DENND5B: variants seen among roughly 807,000 people sequenced by gnomAD.
DENND5B encodes the protein DENN domain-containing protein 5B.
Under a neutral mutation model 140.6 loss-of-function variants are expected in DENND5B, and 34 were observed. That is an observed-to-expected ratio of 0.24 (90% CI 0.18 to 0.32). The LOEUF is 0.32. DENND5B is among the 10% of genes least tolerant of loss of function. The probability of loss-of-function intolerance (pLI) is 1.00; values close to 1 mark genes in which losing one functional copy is unlikely to be tolerated. For missense variants in DENND5B, 1,142 were observed against 1,560.2 expected (o/e 0.73, Z 4.52); for synonymous variants, 551 against 562.1 (o/e 0.98, Z 0.28).
chr12:31,575,006 T>C (rs1435378757), intron 1 of DENND5B, among the ~76,000 whole-genome samples: 1 of 152,216 alleles, frequency 6.6e-6, no homozygotes, highest in African/African-American at 2.4e-5. Flanking sequence ...TGGTGAACAA[T>C]GGCACAAAAC....
chr12:31,589,722 G>A (rs1226315381), intron 1 of DENND5B, among the ~76,000 whole-genome samples: 3 of 151,870 alleles, frequency 2.0e-5, no homozygotes, highest in African/African-American at 4.8e-5. Context: ...GGCGGTAGAT[G>A]TCACTTCTCT....
chr12:31,491,453 A>T (rs181029119), intron 2 of DENND5B, among the ~76,000 whole-genome samples: 1 of 152,174 alleles, frequency 6.6e-6, no homozygotes, highest in African/African-American at 2.4e-5. Context: ...TGTCTCAAAT[A>T]AATTAATTAA....
chr12:31,412,498 C>T (rs1168816279), intron 13 of DENND5B, among the ~76,000 whole-genome samples: 1 of 152,156 alleles, frequency 6.6e-6, no homozygotes, highest in Non-Finnish European at 1.5e-5. Context: ...TAACCTAGAT[C>T]CCTCACATGC....
chr12:31,456,164 T>C (rs982900889), intron 4 of DENND5B, among the ~76,000 whole-genome samples: 3 of 151,974 alleles, frequency 2.0e-5, no homozygotes, highest in African/African-American at 4.8e-5. Flanking sequence ...ACCCCATCTC[T>C]AGTGCAAATA....
At chr12:31,495,319 G>A (rs959673281) in intron 2 of DENND5B, among the ~76,000 whole-genome samples, 14 of 151,764 alleles carry the variant, frequency 9.2e-5, no homozygotes, top group Non-Finnish European at 1.6e-4. Context: ...CCCTGGGCAA[G>A]TAACTTGCTT....
intron 8 of DENND5B, among the ~76,000 whole-genome samples, chr12:31,430,755 T>A (rs1378141454): frequency 6.6e-6 from 1 of 152,172 alleles, no homozygotes; most frequent in Non-Finnish European, 1.5e-5. Flanking sequence ...GAGTGACCAA[T>A]TTACTGAGCC....
intron 1 of DENND5B, among the ~76,000 whole-genome samples, chr12:31,502,429 C>T (rs1165691299): frequency 1.3e-5 from 2 of 152,118 alleles, no homozygotes; most frequent in African/African-American, 4.8e-5. Flanking sequence ...ACTGATATCC[C>T]ATTTCGTCAA....
chr12:31,396,008 A>AATCCCTT (rs1941438323), intron 17 of DENND5B, among the ~76,000 whole-genome samples: 1 of 148,600 alleles, frequency 6.7e-6, no homozygotes, highest in Non-Finnish European at 1.5e-5. Flanking sequence ...TCTAGGGGAA[A>AATCCCTT]ATCCCTTCCT....
At chr12:31,575,665 C>T (rs1949986378) in intron 1 of DENND5B, among the ~76,000 whole-genome samples, 1 of 152,092 alleles carries the variant, frequency 6.6e-6, no homozygotes, top group Admixed American at 6.5e-5. Flanking sequence ...TAAGAAATTG[C>T]CCAGTTTCAG....
chr12:31,438,897 A>C (rs1276054592), intron 7 of DENND5B, among the ~76,000 whole-genome samples: 1 of 152,234 alleles, frequency 6.6e-6, no homozygotes, highest in Non-Finnish European at 1.5e-5. Context: ...GCACAAAAAT[A>C]TAAATGGCAT....
intron 13 of DENND5B, among the ~76,000 whole-genome samples, chr12:31,409,711 T>C (rs1942342860): frequency 6.6e-6 from 1 of 152,122 alleles, no homozygotes; most frequent in Non-Finnish European, 1.5e-5. Context: ...ACTCCTGACC[T>C]CAGGTGATCC....
chr12:31,476,473 T>A (rs1276403366), intron 3 of DENND5B, among the ~76,000 whole-genome samples: 1 of 143,958 alleles, frequency 6.9e-6, no homozygotes, highest in Non-Finnish European at 1.5e-5. Context: ...AATAGATCAG[T>A]GAGAAAGGAG....
chr12:31,536,373 TTAAA>T (rs1948493892), intron 1 of DENND5B, among the ~76,000 whole-genome samples: 1 of 151,890 alleles, frequency 6.6e-6, no homozygotes, highest in South Asian at 2.1e-4. Context: ...ACAAAGAGAT[TTAAA>T]TAATTAAAAA....
intron 14 of DENND5B, among the ~76,000 whole-genome samples, chr12:31,408,876 T>C (rs1942280890): frequency 6.6e-6 from 1 of 152,224 alleles, no homozygotes; most frequent in Non-Finnish European, 1.5e-5. Flanking sequence ...ATGCTGCTCC[T>C]GGGACCAACA....
chr12:31,402,594 T>C lies in DENND5B; in HGVS notation c.2853A>G (p.Ala951=), dbSNP rs1376578721. 4.3e-6 allele frequency: 7 copies of C among 1,613,856 alleles called. No homozygotes were observed. Among genetic ancestry groups the C allele is most frequent in the Non-Finnish European group, 5.9e-6 (7 of 1,179,786 alleles). ...AGATCCAAGGGTTTGATGTGATTATTGCATTGCTCAGCTTTTTGATTGGGA... is the reference window on the plus strand; with the variant it reads ...AGATCCAAGGGTTTGATGTGATTATCGCATTGCTCAGCTTTTTGATTGGGA... ...VIIPIKKLSN[A]IITSNPWICV... Residue 951 remains alanine, a synonymous_variant, in exon 15 of 21, where the codon GCA becomes GCG. Coordinates refer to ENST00000389082, the MANE Select transcript of DENND5B (RefSeq NM_144973.4).
chr12:31,588,857 G>A (rs1389672259), intron 1 of DENND5B, among the ~76,000 whole-genome samples: 5 of 152,162 alleles, frequency 3.3e-5, no homozygotes. Flanking sequence ...ACTGTTGGAT[G>A]AATGATACTG....
At chr12:31,440,549 G>C (rs1267899831) in intron 7 of DENND5B, among the ~76,000 whole-genome samples, 2 of 152,194 alleles carry the variant, frequency 1.3e-5, no homozygotes, top group Non-Finnish European at 2.9e-5. Context: ...TACAAGAGGA[G>C]AAAATTTCAT....
chr12:31,392,244 T>C, intron 19 of DENND5B, 23 bp downstream of exon 19: 1 of 1,613,360 alleles, frequency 6.2e-7, no homozygotes, highest in South Asian at 1.1e-5. Context: ...GACCTTAATG[T>C]AATACACATC....
chr12:31,427,334 G>A (rs1943286337), intron 8 of DENND5B, among the ~76,000 whole-genome samples: 1 of 152,134 alleles, frequency 6.6e-6, no homozygotes, highest in African/African-American at 2.4e-5. Flanking sequence ...AGGCCAGGCG[G>A]TGGCTCACGT....
Sources: gnomAD v4.1 joint callset for allele counts (sites outside exome capture counted in the v4.1 genomes callset) on GRCh38, gnomAD v4.1.1 for gene constraint, MANE v1.5 for transcripts, NCBI Gene and HGNC (gene_info 2026-07-23, HGNC 2026-07-21) for gene names.